PLCB4: variants seen among roughly 807,000 people sequenced by gnomAD.
PLCB4 encodes 1-phosphatidylinositol 4,5-bisphosphate phosphodiesterase beta-4.
Under a neutral mutation model 178.8 loss-of-function variants are expected in PLCB4, and 77 were observed. That is an observed-to-expected ratio of 0.43 (90% confidence interval 0.36 to 0.52). PLCB4 has a LOEUF of 0.52. Among genes scored for constraint, PLCB4 ranks in the 20% least tolerant of loss-of-function variants. The pLI is 0.00. For missense variants in PLCB4, 1,024 were observed against 1,453.4 expected (o/e 0.70, Z 4.80); for synonymous variants, 496 against 490.8 (o/e 1.01, Z -0.14).
At chr20:9,289,955 G>A (rs572167419) in intron 3 of PLCB4, among the ~76,000 whole-genome samples, 1 of 152,130 alleles carries the variant, frequency 6.6e-6, no homozygotes, top group East Asian at 1.9e-4. Context: ...TTTGAGAAGT[G>A]TGTCAGGTCA....
At chr20:9,158,473 T>G (rs145265657) in intron 2 of PLCB4, among the ~76,000 whole-genome samples, 210 of 151,578 alleles carry the variant, frequency 1.4e-3, no homozygotes, top group African/African-American at 5.0e-3. Flanking sequence ...TTTACCATGC[T>G]GGCCAGGCCT....
intron 4 of PLCB4, among the ~76,000 whole-genome samples, chr20:9,316,575 CTG>C (rs1307722225): frequency 6.6e-6 from 1 of 152,182 alleles, no homozygotes; most frequent in Non-Finnish European, 1.5e-5. Flanking sequence ...CTTAATATCT[CTG>C]TGCCAGAAAA....
At chr20:9,131,069 C>T (rs1429728044) in intron 2 of PLCB4, among the ~76,000 whole-genome samples, 4 of 151,280 alleles carry the variant, frequency 2.6e-5, no homozygotes, top group Non-Finnish European at 4.4e-5. Context: ...TAACTTGACT[C>T]TTTTTTTTTA....
At chr20:9,328,603 C>T (rs1014735053) in intron 4 of PLCB4, among the ~76,000 whole-genome samples, 2 of 152,146 alleles carry the variant, frequency 1.3e-5, no homozygotes, top group Admixed American at 6.5e-5. Flanking sequence ...TTACCTGAGC[C>T]GACTGCTGAG....
intron 4 of PLCB4, among the ~76,000 whole-genome samples, chr20:9,323,830 C>T (rs1280328742): frequency 6.6e-6 from 1 of 152,142 alleles, no homozygotes; most frequent in South Asian, 2.1e-4. Flanking sequence ...CTCTGGTGGG[C>T]GTTCTGTGCT....
chr20:9,227,664 C>T (rs1425185474), intron 3 of PLCB4, among the ~76,000 whole-genome samples: 1 of 152,010 alleles, frequency 6.6e-6, no homozygotes, highest in Non-Finnish European at 1.5e-5. Flanking sequence ...ATTCTAAATT[C>T]CATTGCATTG....
intron 17 of PLCB4, among the ~76,000 whole-genome samples, chr20:9,392,344 G>T (rs1196596297): frequency 6.6e-6 from 1 of 152,188 alleles, no homozygotes; most frequent in African/African-American, 2.4e-5. Flanking sequence ...GAATTTTCTG[G>T]GGTTTAAATA....
At chr20:9,254,465 C>A (rs1027666283) in intron 3 of PLCB4, among the ~76,000 whole-genome samples, 2 of 152,168 alleles carry the variant, frequency 1.3e-5, no homozygotes, top group African/African-American at 4.8e-5. Context: ...GAGGCCAAGG[C>A]AGGTGGACCA....
chr20:9,432,634 T>C (rs2041501760), intron 28 of PLCB4, among the ~76,000 whole-genome samples: 1 of 152,090 alleles, frequency 6.6e-6, no homozygotes, highest in Non-Finnish European at 1.5e-5. Flanking sequence ...GAAGAGGCAT[T>C]TGGGAGTCAG....
At position 9,372,437 on chromosome 20, in the gene PLCB4, T is replaced by TA. The variant is rs2036329219; in HGVS notation, c.686+35dup. On this transcript the variant is annotated intron_variant, in intron 11 of 39. Transcript: ENST00000378473. ...CACTTATGAGGAAGTGCCATATAAA[T>TA]ATTATCACTGTCCTTTTCGATTTTT... The TA allele has an allele frequency of 2.9e-6, 3 of 1,040,014 alleles. No homozygotes were observed. The East Asian group carries it at 7.2e-5, about 25-fold the overall frequency. The allele number at this position is 1,040,014 out of a possible 1,614,324, so 64.4% of individuals were successfully genotyped here.
chr20:9,353,403 T>C (rs1362846819), intron 7 of PLCB4, among the ~76,000 whole-genome samples: 1 of 152,210 alleles, frequency 6.6e-6, no homozygotes, highest in African/African-American at 2.4e-5. Flanking sequence ...CTTGTGACAC[T>C]AACACTTAGT....
chr20:9,106,236 T>C (rs1372412808), intron 2 of PLCB4, among the ~76,000 whole-genome samples: 3 of 151,892 alleles, frequency 2.0e-5, no homozygotes, highest in Non-Finnish European at 4.4e-5. Context: ...CCAACAGTGG[T>C]ATATTATTAG....
chr20:9,145,913 A>G (rs1326671319), intron 2 of PLCB4, among the ~76,000 whole-genome samples: 1 of 152,072 alleles, frequency 6.6e-6, no homozygotes, highest in Non-Finnish European at 1.5e-5. Context: ...TAAAGGGCAA[A>G]TTGAAGTTAG....
intron 36 of PLCB4, among the ~76,000 whole-genome samples, chr20:9,471,447 G>A (rs1211192629): frequency 1.3e-5 from 2 of 151,994 alleles, no homozygotes; most frequent in African/African-American, 4.8e-5. Context: ...GAATGAAAAG[G>A]GGAATTAACT....
At chr20:9,372,927 C>T (rs2036373773) in intron 11 of PLCB4, 120 bp from the exon 12 acceptor site, 1 of 520,666 alleles carries the variant, frequency 1.9e-6, no homozygotes, top group African/African-American at 2.0e-5. Flanking sequence ...TAAGAATTCA[C>T]CACTACTTCA....
intron 28 of PLCB4, among the ~76,000 whole-genome samples, chr20:9,432,515 T>G (rs963959376): frequency 1.3e-5 from 2 of 152,160 alleles, no homozygotes; most frequent in African/African-American, 4.8e-5. Context: ...GAAGTGAGAA[T>G]GTACAGAGAA....
At chr20:9,348,139 A>G (rs1429919814) in intron 7 of PLCB4, among the ~76,000 whole-genome samples, 1 of 152,198 alleles carries the variant, frequency 6.6e-6, no homozygotes, top group East Asian at 1.9e-4. Context: ...TGACACCAGG[A>G]GTCAGCTACT....
At chr20:9,347,882 G>C (rs1227629127) in intron 7 of PLCB4, among the ~76,000 whole-genome samples, 2 of 152,212 alleles carry the variant, frequency 1.3e-5, no homozygotes, top group Admixed American at 1.3e-4. Context: ...ACTGAGGCAG[G>C]AGAATCGCTT....
rs2093902549 is a variant in PLCB4 at position 9,229,138 on chromosome 20, T to G, written c.-16+11686T>G. Among the ~76,000 whole-genome samples, 5 of 152,306 alleles carry G rather than the reference T, an allele frequency of 3.3e-5. No individual in the cohort carries two copies. In the South Asian group the frequency reaches 8.3e-4, roughly 25 times the overall value. On this transcript the variant is annotated intron_variant, in intron 3 of 39. Coordinates refer to ENST00000378473, the MANE Select transcript of PLCB4 (RefSeq NM_001377142.1). ...TTTGTTTAATATACAAAAAGAGTGG[T>G]TCTTAAAGGTCATCCCATAAAGCAG...
Sources: allele counts gnomAD v4.1 joint callset (sites outside exome capture counted in the v4.1 genomes callset), GRCh38; gene constraint gnomAD v4.1.1; transcripts MANE v1.5; gene names NCBI Gene and HGNC (gene_info 2026-07-23, HGNC 2026-07-21).